ZNF892: variants seen among roughly 807,000 people sequenced by gnomAD.
ZNF892 encodes zinc finger protein 892, also known as zinc finger protein 570-like.
chr2:95,217,596 A>G, the ZNF892 span, among the ~76,000 whole-genome samples: 1 of 152,262 alleles, frequency 6.6e-6, no homozygotes, highest in Non-Finnish European at 1.5e-5. Context: ...TGATCTGGAC[A>G]TAATGTAGGC....
At chr2:95,207,540 C>T in the ZNF892 span, 1 of 346,498 alleles carries the variant, frequency 2.9e-6, no homozygotes, top group Admixed American at 4.7e-5. Flanking sequence ...TCATGGTTGG[C>T]CGGCGCTAGG....
the ZNF892 span, among the ~76,000 whole-genome samples, chr2:95,206,443 C>T: frequency 3.3e-5 from 5 of 152,226 alleles, no homozygotes; most frequent in South Asian, 1.0e-3. Context: ...AGTTGATTAA[C>T]TTTTATATCT....
the ZNF892 span, chr2:95,207,537 T>G: frequency 2.9e-6 from 1 of 344,268 alleles, no homozygotes; most frequent in Non-Finnish European, 5.2e-6. Context: ...GCCTCATGGT[T>G]GGCCGGCGCT....
At chr2:95,255,893 G>A in the ZNF892 span, among the ~76,000 whole-genome samples, 2 of 152,094 alleles carry the variant, frequency 1.3e-5, no homozygotes, top group African/African-American at 4.8e-5. Context: ...CAGAGACTAG[G>A]ATTGCAACCC....
chr2:95,235,431 G>A, the ZNF892 span, among the ~76,000 whole-genome samples: 2 of 149,560 alleles, frequency 1.3e-5, no homozygotes, highest in South Asian at 2.1e-4. Context: ...GCGCAATCTC[G>A]GCTCACTGCA....
chr2:95,208,784 ATGTCTTTC>A, the ZNF892 span: 1 of 398,588 alleles, frequency 2.5e-6, no homozygotes, highest in Non-Finnish European at 4.4e-6. Context: ...CAGAGCAAGG[ATGTCTTTC>A]CTTCCAGTGC....
At chr2:95,261,878 C>G in the ZNF892 span, among the ~76,000 whole-genome samples, 2 of 152,200 alleles carry the variant, frequency 1.3e-5, no homozygotes, top group Admixed American at 6.5e-5. Context: ...AGGGCCAAGG[C>G]TGGTAGGAAT....
chr2:95,244,528 C>A, the ZNF892 span, among the ~76,000 whole-genome samples: 36 of 152,158 alleles, frequency 2.4e-4, no homozygotes, highest in Non-Finnish European at 4.1e-4. Context: ...ACAGGAACAC[C>A]CATATTCATA....
the ZNF892 span, among the ~76,000 whole-genome samples, chr2:95,253,101 T>G: frequency 6.6e-6 from 1 of 152,262 alleles, no homozygotes; most frequent in South Asian, 2.1e-4. Context: ...TTAGATCCCA[T>G]TTGTCAACTT....
the ZNF892 span, chr2:95,211,739 A>G: frequency 5.5e-5 from 22 of 398,460 alleles, no homozygotes; most frequent in Non-Finnish European, 8.9e-5. Flanking sequence ...GGCTCCCCCA[A>G]TGCCTGTGAA....
At chr2:95,214,569 A>G in the ZNF892 span, 1 of 398,596 alleles carries the variant, frequency 2.5e-6, no homozygotes, top group South Asian at 1.3e-4. Context: ...AAGAAATTGC[A>G]CTCAGAGGTC....
At chr2:95,257,959 C>CATCT in the ZNF892 span, among the ~76,000 whole-genome samples, 1 of 152,130 alleles carries the variant, frequency 6.6e-6, no homozygotes, top group African/African-American at 2.4e-5. Context: ...TTCCAGGTGC[C>CATCT]GTCTGTCACC....
At chr2:95,215,874 A>G in the ZNF892 span, among the ~76,000 whole-genome samples, 4 of 152,216 alleles carry the variant, frequency 2.6e-5, no homozygotes, top group African/African-American at 4.8e-5. Context: ...TGGGAGAGAA[A>G]TGGGGTGTGC....
the ZNF892 span, among the ~76,000 whole-genome samples, chr2:95,237,525 T>G: frequency 1.6e-4 from 24 of 152,176 alleles, no homozygotes; most frequent in African/African-American, 5.3e-4. Flanking sequence ...CCTATTTCCC[T>G]GAGACACAAC....
the ZNF892 span, among the ~76,000 whole-genome samples, chr2:95,243,225 C>T: frequency 6.6e-6 from 1 of 152,152 alleles, no homozygotes; most frequent in Non-Finnish European, 1.5e-5. Flanking sequence ...AGCAGCCTGC[C>T]TTGGCCTCCC....
At chr2:95,241,507 A>G in the ZNF892 span, among the ~76,000 whole-genome samples, 1 of 152,172 alleles carries the variant, frequency 6.6e-6, no homozygotes, top group Non-Finnish European at 1.5e-5. Context: ...AACCTCAAAG[A>G]TCGAAGGTAG....
chr2:95,258,447 G>C, the ZNF892 span, among the ~76,000 whole-genome samples: 1 of 152,154 alleles, frequency 6.6e-6, no homozygotes, highest in African/African-American at 2.4e-5. Context: ...GAAACTAAGG[G>C]TGCCAAATAA....
chr2:95,230,632 T>TGGCTCCTCCGTCGCC, the ZNF892 span, among the ~76,000 whole-genome samples: 1 of 152,208 alleles, frequency 6.6e-6, no homozygotes, highest in Non-Finnish European at 1.5e-5. Flanking sequence ...ACCCCCGCGC[T>TGGCTCCTCCGTCGCC]GGCTCCTCCG....
At chr2:95,217,171 A>G in the ZNF892 span, among the ~76,000 whole-genome samples, 1 of 152,118 alleles carries the variant, frequency 6.6e-6, no homozygotes, top group Admixed American at 6.6e-5. Flanking sequence ...AAAGGGAGAG[A>G]GAAATAGCTC....
Sources: allele counts gnomAD v4.1 joint callset (sites outside exome capture counted in the v4.1 genomes callset), GRCh38; gene constraint gnomAD v4.1.1; transcripts MANE v1.5; gene names NCBI Gene and HGNC (gene_info 2026-07-23, HGNC 2026-07-21).